Variants in MYO1B observed in about 807,000 individuals in gnomAD.
MYO1B encodes unconventional myosin-Ib.
In MYO1B, 72 loss-of-function variants were observed where a neutral mutation model predicts 159.7. That is an observed-to-expected ratio of 0.45 (90% CI 0.37 to 0.55). The LOEUF is 0.55. Among genes scored for constraint, MYO1B ranks in the 20% least tolerant of loss-of-function variants. The pLI is 0.00. For missense variants in MYO1B, 1,062 were observed against 1,364.8 expected (o/e 0.78, Z 3.50); for synonymous variants, 468 against 473.8 (o/e 0.99, Z 0.16).
At chr2:191,306,349 A>G (rs1032443518) in intron 3 of MYO1B, among the ~76,000 whole-genome samples, 7 of 152,160 alleles carry the variant, frequency 4.6e-5, no homozygotes, top group Admixed American at 4.6e-4. Flanking sequence ...ATGGCACATC[A>G]GTGATCTAAG....
chr2:191,416,705 T>A (rs1407242779), intron 30 of MYO1B, among the ~76,000 whole-genome samples: 1 of 151,750 alleles, frequency 6.6e-6, no homozygotes, highest in Non-Finnish European at 1.5e-5. Context: ...TCCCAGCTAC[T>A]CAAGAGGCTG....
chr2:191,291,888 G>C (rs1237068054), intron 2 of MYO1B, among the ~76,000 whole-genome samples: 1 of 152,176 alleles, frequency 6.6e-6, no homozygotes, highest in Non-Finnish European at 1.5e-5. Flanking sequence ...CCTAAAACTA[G>C]AGTAGAAATG....
chr2:191,408,980 A>G (rs878895089), intron 25 of MYO1B, 64 bp from the exon 26 acceptor site: 1 of 1,507,178 alleles, frequency 6.6e-7, no homozygotes, highest in African/African-American at 1.4e-5. Flanking sequence ...ATCATGATGT[A>G]TGTAAAACAG....
intron 3 of MYO1B, among the ~76,000 whole-genome samples, chr2:191,302,972 G>T (rs933634218): frequency 6.6e-5 from 10 of 152,122 alleles, no homozygotes; most frequent in African/African-American, 2.4e-4. Flanking sequence ...ATCACATACC[G>T]TTGCCCATGA....
Position 191,386,080 on chromosome 2 carries a change from G to A in MYO1B, c.1550G>A (p.Gly517Glu). Residue 517 changes from glycine (G) to glutamate (E), a missense_variant, in exon 16 of 31, where the codon GGA becomes GAA. Around this residue, in one of 5 missense-constraint regions of MYO1B, gnomAD observed 3 missense variants for 17.6 expected, o/e 0.17. Transcript: ENST00000392318. Reference sequence around the variant, plus strand: ...TGCTTCAGGATCCAGCATTATGCTGGAAAGGTATGGGGGAGCTGTGAGCAC... The same window carrying A: ...TGCTTCAGGATCCAGCATTATGCTGAAAAGGTATGGGGGAGCTGTGAGCAC... The part of the protein sequence containing the change: ...HSCFRIQHYA[G>E]KVLYQVEGFV... 1 of 1,614,056 alleles carries A rather than the reference G, an allele frequency of 6.2e-7. No individual in the cohort carries two copies. The highest frequency in any genetic ancestry group is 8.5e-7 in the Non-Finnish European group (1 of 1,179,974).
intron 13 of MYO1B, among the ~76,000 whole-genome samples, chr2:191,373,665 C>T (rs1274487271): frequency 6.6e-6 from 1 of 152,158 alleles, no homozygotes; most frequent in Non-Finnish European, 1.5e-5. Context: ...GTCCCAGCTA[C>T]TTGGGAGGCT....
At chr2:191,249,587 C>G (rs1416355827) in intron 1 of MYO1B, among the ~76,000 whole-genome samples, 4 of 152,184 alleles carry the variant, frequency 2.6e-5, no homozygotes, top group Non-Finnish European at 5.9e-5. Flanking sequence ...GACTTTGACA[C>G]CAAGTACAGG....
At chr2:191,280,508 A>G (rs1687995431) in intron 2 of MYO1B, among the ~76,000 whole-genome samples, 2 of 152,174 alleles carry the variant, frequency 1.3e-5, no homozygotes, top group Non-Finnish European at 2.9e-5. Flanking sequence ...CGCGCTGGCT[A>G]GAAGAAGAGG....
intron 20 of MYO1B, among the ~76,000 whole-genome samples, chr2:191,396,179 AAAT>A (rs1413906804): frequency 5.9e-5 from 9 of 152,182 alleles, no homozygotes; most frequent in African/African-American, 1.9e-4. Context: ...GAGATGAAGA[AAAT>A]AATGATAATA....
intron 4 of MYO1B, among the ~76,000 whole-genome samples, chr2:191,331,923 A>G (rs1335704089): frequency 6.6e-6 from 1 of 152,200 alleles, no homozygotes; most frequent in Non-Finnish European, 1.5e-5. Context: ...CAAAAAATAA[A>G]CAGAATACTT....
At chr2:191,300,364 G>A (rs1194408315) in intron 3 of MYO1B, among the ~76,000 whole-genome samples, 1 of 147,932 alleles carries the variant, frequency 6.8e-6, no homozygotes, top group Non-Finnish European at 1.5e-5. Context: ...TTTTGAGTCG[G>A]AGTCTCGCTC....
rs146403278 is a variant in MYO1B, at chr2:191,335,501, A to G, written c.346+5472A>G. Among the ~76,000 whole-genome samples the G allele has an allele frequency of 2.2e-3, 331 of 152,308 alleles. 1 individual carries two copies. The highest frequency in any genetic ancestry group is 3.9e-3 in the South Asian group (19 of 4,824). On this transcript the variant is annotated intron_variant, in intron 4 of 30. Transcript: ENST00000392318. ...ATTTCAGTATATAGTTGTACAAGGA[A>G]TTTGGAGTGGGGGTTTCATCTCAGT...
intron 14 of MYO1B, among the ~76,000 whole-genome samples, chr2:191,382,839 C>A (rs1695123688): frequency 6.6e-6 from 1 of 152,130 alleles, no homozygotes; most frequent in South Asian, 2.1e-4. Context: ...AAGATTGACT[C>A]TAAAATTAAT....
intron 1 of MYO1B, chr2:191,248,152 C>A: frequency 4.8e-6 from 2 of 419,360 alleles, no homozygotes; most frequent in Non-Finnish European, 6.4e-6. Flanking sequence ...AATTAAATAG[C>A]CTAACAATAA....
At chr2:191,344,443 C>T (rs1692425272) in intron 5 of MYO1B, among the ~76,000 whole-genome samples, 2 of 152,194 alleles carry the variant, frequency 1.3e-5, no homozygotes, top group Admixed American at 1.3e-4. Context: ...CCAAACCATA[C>T]TCAGCCCAAG....
chr2:191,318,309 T>G (rs186595901), intron 3 of MYO1B, among the ~76,000 whole-genome samples: 15 of 152,318 alleles, frequency 9.8e-5, no homozygotes, highest in Admixed American at 9.2e-4. Flanking sequence ...AGCACATCAG[T>G]GAGAAATCAA....
chr2:191,315,631 A>G (rs1370221098), intron 3 of MYO1B, among the ~76,000 whole-genome samples: 1 of 151,648 alleles, frequency 6.6e-6, no homozygotes, highest in Admixed American at 6.5e-5. Context: ...CAAAAGAAGC[A>G]AAGTTTTCTT....
At chr2:191,366,569 C>G (rs1694023856) in intron 11 of MYO1B, among the ~76,000 whole-genome samples, 1 of 152,058 alleles carries the variant, frequency 6.6e-6, no homozygotes, top group Non-Finnish European at 1.5e-5. Context: ...AGACCTTTCT[C>G]TAGATAGGAG....
At chr2:191,313,367 C>T (rs376839510) in intron 3 of MYO1B, among the ~76,000 whole-genome samples, 7 of 150,216 alleles carry the variant, frequency 4.7e-5, no homozygotes, top group East Asian at 3.9e-4. Flanking sequence ...TCCGCCACCA[C>T]GCCTGGCTAA....
Sources: allele counts gnomAD v4.1 joint callset (sites outside exome capture counted in the v4.1 genomes callset), GRCh38; gene constraint gnomAD v4.1.1; regional missense constraint gnomAD v4.1.1; transcripts MANE v1.5; gene names NCBI Gene and HGNC (gene_info 2026-07-23, HGNC 2026-07-21).